CNTN4: variants seen among roughly 807,000 people sequenced by gnomAD.
CNTN4 encodes the protein contactin 4.
A neutral mutation model predicts 122.5 loss-of-function variants in CNTN4; 77 were observed. The observed-to-expected ratio is 0.63, with a 90% CI of 0.52 to 0.76. The LOEUF (loss-of-function observed/expected upper bound fraction) is 0.76, where lower values mean the gene tolerates loss of function less well. CNTN4 is among the 30% of genes least tolerant of loss of function. The pLI, the probability that CNTN4 is intolerant of heterozygous loss-of-function variation, is 0.00. For missense variants in CNTN4, 1,256 were observed against 1,259.1 expected, an observed-to-expected ratio of 1.00 and a Z score of 0.04; for synonymous variants, 512 against 447.0, an observed-to-expected ratio of 1.15 and a Z score of -1.83.
At chr3:2,437,628 T>C (rs2048301310) in intron 3 of CNTN4, among the ~76,000 whole-genome samples, 1 of 152,204 alleles carries the variant, frequency 6.6e-6, no homozygotes, top group South Asian at 2.1e-4. Context: ...AAGATAGATA[T>C]ACAAACTCAC....
At chr3:2,732,108 G>A (rs2088730594) in intron 4 of CNTN4, among the ~76,000 whole-genome samples, 1 of 152,152 alleles carries the variant, frequency 6.6e-6, no homozygotes, top group Admixed American at 6.5e-5. Flanking sequence ...ATCTTATCAA[G>A]CAAAGATTTG....
At position 2,328,267 on chromosome 3, in the gene CNTN4, G is replaced by A. The variant is rs182239567; in HGVS notation, c.-144-10911G>A. ...AAAAATACAAAAAAATTAGCCGGGCGTGGTGGCGGGCGCCTGTAGTCCCAG... is the reference window on the plus strand; with the variant it reads ...AAAAATACAAAAAAATTAGCCGGGCATGGTGGCGGGCGCCTGTAGTCCCAG... On this transcript the variant is annotated intron_variant, in intron 2 of 24. Coordinates refer to ENST00000418658, the MANE Select transcript of CNTN4 (RefSeq NM_175607.3). Among the ~76,000 whole-genome samples the A allele has an allele frequency of 2.3e-4, 34 of 150,356 alleles. 2 individuals carry two copies. The highest frequency in any genetic ancestry group is 8.6e-4 in the South Asian group (4 of 4,656).
chr3:3,025,316 G>C (rs936416144), intron 14 of CNTN4, among the ~76,000 whole-genome samples: 17 of 152,074 alleles, frequency 1.1e-4, no homozygotes, highest in African/African-American at 4.1e-4. Flanking sequence ...GTTCATTACA[G>C]CATTATTTAT....
At chr3:2,994,971 G>GA (rs1695400150) in intron 14 of CNTN4, among the ~76,000 whole-genome samples, 1 of 152,084 alleles carries the variant, frequency 6.6e-6, no homozygotes, top group Non-Finnish European at 1.5e-5. Flanking sequence ...TCTTCCACTG[G>GA]AACCAATTAT....
chr3:2,554,881 C>T (rs918687404), intron 3 of CNTN4, among the ~76,000 whole-genome samples: 1 of 152,112 alleles, frequency 6.6e-6, no homozygotes, highest in Non-Finnish European at 1.5e-5. Context: ...TTCTGAAGAA[C>T]GTTTGTCCCA....
At chr3:3,052,102 C>A (rs1422782995) in intron 23 of CNTN4, among the ~76,000 whole-genome samples, 1 of 152,190 alleles carries the variant, frequency 6.6e-6, no homozygotes, top group Non-Finnish European at 1.5e-5. Context: ...GCGTCTAATT[C>A]ATCTAATCAT....
At position 3,044,283 on chromosome 3, in the gene CNTN4, C is replaced by G. The variant is rs1700423360; in HGVS notation, c.2811+579C>G. Among the ~76,000 whole-genome samples, 2 of 152,210 alleles carry G rather than the reference C, an allele frequency of 1.3e-5. 1 individual carries two copies. The highest frequency in any genetic ancestry group is 4.1e-4 in the South Asian group (2 of 4,830). On this transcript the variant is annotated intron_variant, in intron 23 of 24. Coordinates refer to ENST00000418658, the MANE Select transcript of CNTN4 (RefSeq NM_175607.3). ...TATAAATATCTTGCAACGTTTCCAG[C>G]TACCTATTTGCTACCTAACAAACCA...
intron 3 of CNTN4, among the ~76,000 whole-genome samples, chr3:2,382,795 C>G (rs1261923939): frequency 6.6e-6 from 1 of 152,106 alleles, no homozygotes; most frequent in Non-Finnish European, 1.5e-5. Context: ...AGATAAAGGC[C>G]AGGCCTGGTG....
intron 3 of CNTN4, among the ~76,000 whole-genome samples, chr3:2,369,869 A>T (rs955853583): frequency 2.0e-5 from 3 of 152,036 alleles, no homozygotes; most frequent in African/African-American, 7.2e-5. Flanking sequence ...TGCTTTAATT[A>T]TTTCTCCTAA....
At chr3:2,684,597 T>G (rs2085338109) in intron 4 of CNTN4, among the ~76,000 whole-genome samples, 1 of 152,154 alleles carries the variant, frequency 6.6e-6, no homozygotes, top group South Asian at 2.1e-4. Flanking sequence ...CATTGGACCC[T>G]GAGCAAGTCA....
rs1346838005 is a variant in CNTN4 at position 2,400,425 on chromosome 3, ATACATATATATATATATATATATATC to A, written c.-89+61194_-89+61219del. Among the ~76,000 whole-genome samples, 14 of 56,156 alleles carry A rather than the reference ATACATATATATATATATATATATATC, an allele frequency of 2.5e-4. 1 individual carries two copies. Among genetic ancestry groups the A allele is most frequent in the Admixed American group, 5.0e-4 (2 of 4,012 alleles). The allele number at this position is 56,156 out of a possible 152,430, so 36.8% of individuals were successfully genotyped here. A position where few individuals can be genotyped will look rare whatever the true frequency, so the allele number is the denominator to read the frequency against. On this transcript the variant is annotated intron_variant, in intron 3 of 24. Transcript: ENST00000418658. ...TGTGAATATATATATATATATATAT[ATACATATATATATATATATATATATC>A]TCTTTTTTTCCTTCTTCTTAAATTT...
At chr3:2,211,358 G>A (rs1309880095) in intron 2 of CNTN4, among the ~76,000 whole-genome samples, 1 of 152,128 alleles carries the variant, frequency 6.6e-6, no homozygotes, top group Admixed American at 6.6e-5. Context: ...AGATTTGGGT[G>A]AGGACAGAAA....
chr3:2,970,590 G>A (rs1357675497), intron 13 of CNTN4, among the ~76,000 whole-genome samples: 1 of 151,810 alleles, frequency 6.6e-6, no homozygotes, highest in Non-Finnish European at 1.5e-5. Flanking sequence ...GGGACTACAG[G>A]CGCACATCAC....
intron 3 of CNTN4, among the ~76,000 whole-genome samples, chr3:2,471,401 G>T (rs1436502692): frequency 6.6e-6 from 1 of 152,192 alleles, no homozygotes; most frequent in Admixed American, 6.5e-5. Flanking sequence ...AAAAAATATG[G>T]TTAAGGGCTA....
chr3:2,642,702 C>T (rs2082947164), intron 4 of CNTN4, among the ~76,000 whole-genome samples: 1 of 152,142 alleles, frequency 6.6e-6, no homozygotes, highest in Non-Finnish European at 1.5e-5. Flanking sequence ...TAATGTCTCT[C>T]CCTCTGCTCA....
chr3:2,353,184 G>C (rs9861475), intron 3 of CNTN4, among the ~76,000 whole-genome samples: 13,710 of 151,884 alleles, frequency 0.09, 1,051 homozygotes, highest in African/African-American at 0.21. Context: ...TGTGTATCTA[G>C]GATATCTGGT....
At chr3:3,031,390 C>G (rs1458163823) in intron 16 of CNTN4, among the ~76,000 whole-genome samples, 1 of 152,160 alleles carries the variant, frequency 6.6e-6, no homozygotes, top group Admixed American at 6.5e-5. Flanking sequence ...GTAAAGTCAT[C>G]ATCAGGTTTA....
intron 19 of CNTN4, 39 bp downstream of exon 19, chr3:3,039,042 G>A (rs550625821): frequency 2.5e-5 from 38 of 1,516,740 alleles, no homozygotes; most frequent in South Asian, 2.3e-4. Context: ...TACACGCATC[G>A]AAGCTATTTT....
chr3:2,868,747 A>C (rs556005629), intron 8 of CNTN4, among the ~76,000 whole-genome samples: 2 of 152,148 alleles, frequency 1.3e-5, no homozygotes, highest in Non-Finnish European at 2.9e-5. Context: ...CTCCTGGGGG[A>C]TGCAGACACA....
Sources: allele counts gnomAD v4.1 joint callset (sites outside exome capture counted in the v4.1 genomes callset), GRCh38; gene constraint gnomAD v4.1.1; transcripts MANE v1.5; gene names NCBI Gene and HGNC (gene_info 2026-07-23, HGNC 2026-07-21).